Variants in MGAT4C observed in about 807,000 individuals in gnomAD.
The protein encoded by MGAT4C is alpha-1,3-mannosyl-glycoprotein 4-beta-N-acetylglucosaminyltransferase C.
A neutral mutation model predicts 40.1 loss-of-function variants in MGAT4C; 19 were observed. That is an observed-to-expected ratio of 0.47 (90% CI 0.33 to 0.70). MGAT4C has a LOEUF of 0.70. Among genes scored for constraint, MGAT4C ranks in the 30% least tolerant of loss-of-function variants. MGAT4C has a pLI of 0.02. For synonymous variants in MGAT4C, 181 were observed against 187.1 expected, an observed-to-expected ratio of 0.97 and a Z score of 0.27; for missense variants, 491 against 563.2, an observed-to-expected ratio of 0.87 and a Z score of 1.30.
intron 2 of MGAT4C, among the ~76,000 whole-genome samples, chr12:86,699,672 T>C (rs544575364): frequency 7.9e-5 from 12 of 152,232 alleles, no homozygotes; most frequent in Admixed American, 6.6e-4. Context: ...CCTGATATCA[T>C]AGAAAATGGA....
chr12:86,162,910 A>G (rs1241112201), intron 1 of MGAT4C, among the ~76,000 whole-genome samples: 5 of 152,164 alleles, frequency 3.3e-5, no homozygotes, highest in African/African-American at 1.2e-4. Context: ...TAGAAACCAA[A>G]CCTTATTTCC....
chr12:85,980,135 T>C lies in MGAT4C; in HGVS notation c.591A>G (p.Lys197=). The change falls in exon 5 of 5, where the codon AAA becomes AAG. Residue 197 remains lysine (K), a synonymous_variant. Transcript: ENST00000611864. ...RNYNDPEDRV[K]FRSKQNVDYA... ...AATCTACATTTTGCTTGGAACGAAA[T>C]TTGACTCTATCTTCTGGATCATTGT... The C allele has an allele frequency of 6.2e-7, 1 of 1,613,986 alleles. No homozygotes were observed. The highest frequency in any genetic ancestry group is 8.5e-7 in the Non-Finnish European group (1 of 1,179,914).
At chr12:86,578,775 T>C (rs1186185643) in intron 2 of MGAT4C, among the ~76,000 whole-genome samples, 10 of 151,820 alleles carry the variant, frequency 6.6e-5, no homozygotes, top group Non-Finnish European at 1.2e-4. Context: ...GGCTAAACGT[T>C]TGTCAATTTT....
At position 86,731,803 on chromosome 12, in the gene MGAT4C, A is replaced by G. The variant is rs1232473929; in HGVS notation, c.-261-4562T>C. ...ACCTAGATGCACTTTAAACTGTAGT[A>G]TTGCATTAAGGTTTTCGCATCACAC... is the stretch of plus-strand genomic sequence containing the variant. On this transcript the variant is annotated intron_variant, in intron 1 of 7. Coordinates refer to the MGAT4C transcript ENST00000548651. Among the ~76,000 whole-genome samples the G allele has an allele frequency of 2.0e-5, 3 of 152,154 alleles. No individual in the cohort carries two copies. The East Asian group carries it at 5.8e-4, about 29-fold the overall frequency.
At chr12:86,196,612 G>A (rs61948969) in intron 1 of MGAT4C, among the ~76,000 whole-genome samples, 11,167 of 152,304 alleles carry the variant, frequency 0.073, 575 homozygotes, top group Middle Eastern at 0.22. Flanking sequence ...TAATTCTATT[G>A]TCTTGTTCTG....
At chr12:86,348,945 T>A (rs1955099585) in intron 3 of MGAT4C, among the ~76,000 whole-genome samples, 1 of 152,122 alleles carries the variant, frequency 6.6e-6, no homozygotes, top group Non-Finnish European at 1.5e-5. Context: ...TTCTATTTTA[T>A]CACTTTTATT....
intron 4 of MGAT4C, among the ~76,000 whole-genome samples, chr12:86,286,963 T>A (rs1033729222): frequency 9.9e-5 from 15 of 152,138 alleles, no homozygotes; most frequent in Non-Finnish European, 5.9e-5. Flanking sequence ...TTATAAGTAA[T>A]ATATTTGCTT....
chr12:86,582,400 TCA>T, intron 2 of MGAT4C, among the ~76,000 whole-genome samples: 1 of 151,294 alleles, frequency 6.6e-6, no homozygotes, highest in Non-Finnish European at 1.5e-5. Flanking sequence ...TGTTTAGACC[TCA>T]CAGTCAGAAG....
intron 1 of MGAT4C, among the ~76,000 whole-genome samples, chr12:86,230,734 A>G (rs1012245799): frequency 5.9e-5 from 9 of 152,138 alleles, no homozygotes; most frequent in African/African-American, 2.2e-4. Context: ...AAAATCTCTG[A>G]GCAACACAAA....
intron 2 of MGAT4C, among the ~76,000 whole-genome samples, chr12:86,449,543 G>A (rs950006205): frequency 2.3e-4 from 35 of 151,922 alleles, no homozygotes; most frequent in African/African-American, 3.4e-4. Flanking sequence ...TTCAAAGATC[G>A]CAAAAGCCTG....
In MGAT4C at chr12:85,975,825, G is replaced by C. The variant is rs528696158; in HGVS notation, c.*3464C>G. 6.6e-6 allele frequency: 1 copy of C among 151,068 alleles called. No homozygotes were observed. Among genetic ancestry groups the C allele is most frequent in the African/African-American group, 2.4e-5 (1 of 41,432 alleles). The allele number at this position is 151,068 out of a possible 1,614,324, so 9.4% of individuals were successfully genotyped here. ...ATAATAAATATTATAAAGTTTAAGTGTGAGCTCTATTACTCAGTAATATGA... is the reference window on the plus strand; with the variant it reads ...ATAATAAATATTATAAAGTTTAAGTCTGAGCTCTATTACTCAGTAATATGA... On this transcript the variant is annotated 3_prime_UTR_variant, in exon 5 of 5. Coordinates refer to ENST00000611864, the MANE Select transcript of MGAT4C (RefSeq NM_001351288.2).
At chr12:86,742,198 G>A (rs1052368437) in intron 1 of MGAT4C, among the ~76,000 whole-genome samples, 5 of 151,116 alleles carry the variant, frequency 3.3e-5, no homozygotes, top group Admixed American at 1.3e-4. Flanking sequence ...GAAAAGCATA[G>A]TGAATATTTG....
At chr12:86,053,907 G>A (rs1015178598) in intron 1 of MGAT4C, among the ~76,000 whole-genome samples, 1 of 151,832 alleles carries the variant, frequency 6.6e-6, no homozygotes, top group Non-Finnish European at 1.5e-5. Flanking sequence ...CACCTGACCT[G>A]TTAGAATGGC....
At chr12:86,148,713 A>G (rs1883877085) in intron 1 of MGAT4C, among the ~76,000 whole-genome samples, 1 of 152,234 alleles carries the variant, frequency 6.6e-6, no homozygotes, top group South Asian at 2.1e-4. Flanking sequence ...ATAAATATTC[A>G]TAAACACTTT....
At chr12:86,780,887 C>T (rs535132696) in intron 1 of MGAT4C, among the ~76,000 whole-genome samples, 2 of 152,126 alleles carry the variant, frequency 1.3e-5, no homozygotes, top group Non-Finnish European at 2.9e-5. Context: ...TTAGTTTCCA[C>T]TGATAAGTGA....
chr12:86,554,196 T>C (rs1369887202), intron 2 of MGAT4C, among the ~76,000 whole-genome samples: 1 of 151,956 alleles, frequency 6.6e-6, no homozygotes, highest in East Asian at 1.9e-4. Context: ...CTGTTAAGTA[T>C]TTACATTTCT....
At chr12:86,781,292 C>CT (rs1951835766) in intron 1 of MGAT4C, among the ~76,000 whole-genome samples, 1 of 151,892 alleles carries the variant, frequency 6.6e-6, no homozygotes, top group Admixed American at 6.6e-5. Flanking sequence ...TGTAATCATT[C>CT]TTTTTTCTCC....
chr12:86,508,166 T>C (rs1958505216), intron 2 of MGAT4C, among the ~76,000 whole-genome samples: 2 of 152,156 alleles, frequency 1.3e-5, no homozygotes, highest in Non-Finnish European at 2.9e-5. Context: ...CACTAACTCG[T>C]CATCTAGCAT....
chr12:86,556,767 C>A (rs1470987991), intron 2 of MGAT4C, among the ~76,000 whole-genome samples: 4 of 152,220 alleles, frequency 2.6e-5, no homozygotes, highest in Admixed American at 1.3e-4. Context: ...AATATTTATA[C>A]TCTTAATGAA....
Sources: gnomAD v4.1 joint callset for allele counts (sites outside exome capture counted in the v4.1 genomes callset) on GRCh38, gnomAD v4.1.1 for gene constraint, MANE v1.5 for transcripts, NCBI Gene and HGNC (gene_info 2026-07-23, HGNC 2026-07-21) for gene names.